Variants in ARNT2 observed in about 807,000 individuals in gnomAD.
ARNT2 encodes ARNT protein 2.
A neutral mutation model predicts 91.7 loss-of-function variants in ARNT2; 36 were observed. That is an observed-to-expected ratio of 0.39 (90% CI 0.30 to 0.52). The LOEUF is 0.52. ARNT2 is among the 20% of genes least tolerant of loss of function. The pLI, the probability that ARNT2 is intolerant of heterozygous loss-of-function variation, is 0.72. For synonymous variants in ARNT2, 365 were observed against 347.1 expected, an observed-to-expected ratio of 1.05 and a Z score of -0.57; for missense variants, 775 against 939.3, an observed-to-expected ratio of 0.83 and a Z score of 2.29.
chr15:80,484,560 C>T (rs1262263774), intron 5 of ARNT2, among the ~76,000 whole-genome samples: 2 of 152,258 alleles, frequency 1.3e-5, no homozygotes, highest in East Asian at 1.9e-4. Flanking sequence ...TGTTTTGCTT[C>T]GCTACATGCA....
chr15:80,474,175 A>C (rs1896769067), intron 4 of ARNT2, among the ~76,000 whole-genome samples: 1 of 152,178 alleles, frequency 6.6e-6, no homozygotes, highest in Non-Finnish European at 1.5e-5. Flanking sequence ...TGTTTTAACA[A>C]AGTTAATTTT....
At chr15:80,561,833 G>GC (rs1555413868) in intron 11 of ARNT2, among the ~76,000 whole-genome samples, 4 of 152,116 alleles carry the variant, frequency 2.6e-5, no homozygotes, top group Non-Finnish European at 5.9e-5. Context: ...CTTAATAATA[G>GC]CCCCAAAGTG....
chr15:80,566,623 A>T (rs1898489462), intron 12 of ARNT2, among the ~76,000 whole-genome samples: 1 of 151,900 alleles, frequency 6.6e-6, no homozygotes. Flanking sequence ...TTCACCATTC[A>T]TCTGTTGTTA....
Position 80,514,315 on chromosome 15 carries a change from T to C in ARNT2, c.792-5T>C, listed in dbSNP as rs1387236747. 6.2e-7 allele frequency: 1 copy of C among 1,613,948 alleles called. No homozygotes were observed. The highest frequency in any genetic ancestry group is 1.3e-5 in the African/African-American group (1 of 74,922). ...GAAAACAATTTCACAAATGTTCTTT[T>C]TTAGGAATGGCCTTGGCCCTGTGAA... On this transcript the variant is annotated splice_polypyrimidine_tract_variant and splice_region_variant and intron_variant, in intron 7 of 18. Transcript: ENST00000303329.
At chr15:80,498,210 C>T (rs1359752112) in intron 5 of ARNT2, among the ~76,000 whole-genome samples, 2 of 152,178 alleles carry the variant, frequency 1.3e-5, no homozygotes, top group Admixed American at 6.5e-5. Flanking sequence ...CTGGAAGCAC[C>T]GATGGCACAC....
intron 5 of ARNT2, among the ~76,000 whole-genome samples, chr15:80,478,384 G>A (rs1239949156): frequency 1.3e-5 from 2 of 152,244 alleles, no homozygotes; most frequent in African/African-American, 2.4e-5. Context: ...AAGTCTGAAT[G>A]TGTCTGGGAG....
chr15:80,531,650 A>G (rs759128955), intron 8 of ARNT2, among the ~76,000 whole-genome samples: 2 of 152,048 alleles, frequency 1.3e-5, no homozygotes, highest in African/African-American at 2.4e-5. Flanking sequence ...CATCCTCATC[A>G]TTTGGTTCTG....
At chr15:80,450,478 C>T (rs1216434690) in intron 1 of ARNT2, among the ~76,000 whole-genome samples, 1 of 152,228 alleles carries the variant, frequency 6.6e-6, no homozygotes, top group Non-Finnish European at 1.5e-5. Flanking sequence ...CGTTGCCTCT[C>T]AGGGCGTGTG....
chr15:80,563,612 TG>T (rs1239410257), intron 12 of ARNT2, among the ~76,000 whole-genome samples: 2 of 152,178 alleles, frequency 1.3e-5, no homozygotes, highest in Non-Finnish European at 2.9e-5. Context: ...CCTGGTTTCT[TG>T]GTCCTACCGA....
intron 1 of ARNT2, among the ~76,000 whole-genome samples, chr15:80,420,638 A>G (rs1376537535): frequency 6.6e-6 from 1 of 151,880 alleles, no homozygotes; most frequent in African/African-American, 2.4e-5. Context: ...TATTATGGAC[A>G]TATAAAAAGA....
At chr15:80,465,778 C>T (rs1226621692) in intron 3 of ARNT2, among the ~76,000 whole-genome samples, 5 of 152,176 alleles carry the variant, frequency 3.3e-5, no homozygotes, top group African/African-American at 9.7e-5. Context: ...GCCAGGCCTG[C>T]GTGGGGACTT....
chr15:80,481,416 A>G (rs193071479), intron 5 of ARNT2, among the ~76,000 whole-genome samples: 1 of 152,312 alleles, frequency 6.6e-6, no homozygotes, highest in East Asian at 1.9e-4. Context: ...TATTCTTCTC[A>G]TTAAACCATC....
chr15:80,502,758 C>A (rs1897218396), intron 5 of ARNT2, among the ~76,000 whole-genome samples: 1 of 152,090 alleles, frequency 6.6e-6, no homozygotes, highest in Non-Finnish European at 1.5e-5. Flanking sequence ...CAGGAGCTGT[C>A]TTACTTCCAA....
At chr15:80,444,768 A>G (rs1198041474) in intron 1 of ARNT2, 1 of 136,818 alleles carries the variant, frequency 7.3e-6, no homozygotes, top group Non-Finnish European at 1.6e-5. Flanking sequence ...TGGTGTGTCC[A>G]AATGGTGTGT....
chr15:80,475,134 G>A lies in ARNT2; in HGVS notation c.533G>A (p.Trp178Ter). Residue 178 changes from tryptophan to a stop codon, truncating the protein, a stop_gained, in exon 5 of 19, where the codon TGG becomes TAG. Transcript: ENST00000303329. LOFTEE classifies it high-confidence loss of function. Reference sequence around the variant, plus strand: ...GTTCTGAACCAGCCCCAGTCAGAGTGGTTTGGGAGCACACTGTATGAACAG... The same window carrying A: ...GTTCTGAACCAGCCCCAGTCAGAGTAGTTTGGGAGCACACTGTATGAACAG... ...TPVLNQPQSE[W>*]FGSTLYEQVH... The A allele has an allele frequency of 6.2e-7, 1 of 1,614,218 alleles. No homozygotes were observed.
intron 5 of ARNT2, among the ~76,000 whole-genome samples, chr15:80,478,166 T>C (rs1896834187): frequency 6.6e-6 from 1 of 152,176 alleles, no homozygotes; most frequent in Non-Finnish European, 1.5e-5. Flanking sequence ...CCAGGAAATG[T>C]TGGTTTGACA....
intron 2 of ARNT2, among the ~76,000 whole-genome samples, chr15:80,455,435 G>T (rs1896468055): frequency 6.6e-6 from 1 of 152,100 alleles, no homozygotes; most frequent in Non-Finnish European, 1.5e-5. Flanking sequence ...AGAAGACTCT[G>T]GCTCTGGAGC....
intron 5 of ARNT2, among the ~76,000 whole-genome samples, chr15:80,507,903 C>T (rs570717179): frequency 3.3e-5 from 5 of 152,246 alleles, no homozygotes; most frequent in East Asian, 1.9e-4. Context: ...TGACTGCAGG[C>T]GACGGAATCC....
chr15:80,590,098 C>T (rs1246373071), intron 17 of ARNT2, among the ~76,000 whole-genome samples: 5 of 152,112 alleles, frequency 3.3e-5, no homozygotes, highest in Admixed American at 1.3e-4. Flanking sequence ...AGATTCTTCT[C>T]CCTGAACACT....
Sources: allele counts gnomAD v4.1 joint callset (sites outside exome capture counted in the v4.1 genomes callset), GRCh38; gene constraint gnomAD v4.1.1; transcripts MANE v1.5; gene names NCBI Gene and HGNC (gene_info 2026-07-23, HGNC 2026-07-21).